The following KATNBL1 variants were observed in gnomAD, a reference collection of about 807,000 sequenced individuals.
The protein encoded by KATNBL1 is KATNB1-like protein 1.
KATNBL1 carries 28 observed loss-of-function variants against 44.7 expected under a neutral mutation model. That is an observed-to-expected ratio of 0.63 (90% CI 0.46 to 0.86). KATNBL1 has a LOEUF of 0.86. Among genes scored for constraint, KATNBL1 ranks in the 40% least tolerant of loss-of-function variants. KATNBL1 has a pLI of 0.00. For synonymous variants in KATNBL1, 78 were observed against 114.9 expected, an observed-to-expected ratio of 0.68 and a Z score of 2.06; for missense variants, 272 against 350.7, an observed-to-expected ratio of 0.78 and a Z score of 1.79.
chr15:34,191,304 A>AT (rs1567535899), intron 1 of KATNBL1, among the ~76,000 whole-genome samples: 1 of 151,918 alleles, frequency 6.6e-6, no homozygotes, highest in East Asian at 1.9e-4. Flanking sequence ...ATAACAGTCT[A>AT]TTAGGTGGCT....
At chr15:34,156,813 T>G (rs981431532) in intron 2 of KATNBL1, among the ~76,000 whole-genome samples, 1 of 152,268 alleles carries the variant, frequency 6.6e-6, no homozygotes, top group African/African-American at 2.4e-5. Context: ...TGGATTGTAC[T>G]GATTTAGCTG....
At chr15:34,200,189 C>T (rs1890141740) in intron 1 of KATNBL1, among the ~76,000 whole-genome samples, 1 of 152,142 alleles carries the variant, frequency 6.6e-6, no homozygotes, top group Non-Finnish European at 1.5e-5. Context: ...CGGAACAACT[C>T]AAAGTTGATA....
intron 2 of KATNBL1, among the ~76,000 whole-genome samples, chr15:34,162,259 C>T (rs560228053): frequency 2.0e-5 from 3 of 152,188 alleles, no homozygotes; most frequent in South Asian, 4.1e-4. Flanking sequence ...ATCATGGGGG[C>T]GGTTTCCCCA....
intron 2 of KATNBL1, 97 bp from the exon 3 acceptor site, chr15:34,154,781 T>G: frequency 1.2e-6 from 1 of 815,816 alleles, no homozygotes; most frequent in East Asian, 2.6e-5. Context: ...AGCAAGGCAA[T>G]TTACTTCTGC....
chr15:34,175,669 A>C (rs1889308030), intron 1 of KATNBL1, among the ~76,000 whole-genome samples: 1 of 152,262 alleles, frequency 6.6e-6, no homozygotes, highest in African/African-American at 2.4e-5. Flanking sequence ...ATACTAAAAA[A>C]GACAGACAAT....
intron 1 of KATNBL1, chr15:34,199,515 C>G (rs1327935342): frequency 2.0e-5 from 3 of 152,170 alleles, no homozygotes. Flanking sequence ...AACTAAATCC[C>G]GTCATCCTGA....
intron 1 of KATNBL1, among the ~76,000 whole-genome samples, chr15:34,201,470 C>T (rs1890174991): frequency 6.6e-6 from 1 of 151,972 alleles, no homozygotes; most frequent in African/African-American, 2.4e-5. Flanking sequence ...CCCTTTTGGG[C>T]CTTTTGAATT....
At chr15:34,185,308 C>G (rs1199960756) in intron 1 of KATNBL1, among the ~76,000 whole-genome samples, 1 of 152,146 alleles carries the variant, frequency 6.6e-6, no homozygotes, top group Non-Finnish European at 1.5e-5. Flanking sequence ...TGATTTCTTC[C>G]TTCACTATCT....
At chr15:34,181,194 G>T (rs539007659) in intron 1 of KATNBL1, among the ~76,000 whole-genome samples, 1 of 152,154 alleles carries the variant, frequency 6.6e-6, no homozygotes, top group South Asian at 2.1e-4. Flanking sequence ...TATGCTGCAC[G>T]TTAAACTATT....
At chr15:34,158,321 T>C (rs1888699285) in intron 2 of KATNBL1, among the ~76,000 whole-genome samples, 1 of 152,240 alleles carries the variant, frequency 6.6e-6, no homozygotes, top group African/African-American at 2.4e-5. Context: ...ATTTCTCTTC[T>C]GAATTTTCTT....
intron 1 of KATNBL1, among the ~76,000 whole-genome samples, chr15:34,201,050 C>G (rs961090298): frequency 8.5e-5 from 13 of 152,128 alleles, no homozygotes; most frequent in African/African-American, 2.9e-4. Flanking sequence ...CTCCTGACCT[C>G]GTGATCTGCC....
chr15:34,160,930 C>G (rs573246386), intron 2 of KATNBL1, among the ~76,000 whole-genome samples: 15 of 152,278 alleles, frequency 9.9e-5, no homozygotes, highest in South Asian at 2.1e-4. Flanking sequence ...TCAACACCCC[C>G]CTGCTGGAGG....
chr15:34,144,958 G>T, intron 9 of KATNBL1: 2 of 524,796 alleles, frequency 3.8e-6, no homozygotes, highest in Non-Finnish European at 4.9e-6. Context: ...AAAGACCAAA[G>T]TCAAATTCAC....
chr15:34,178,746 ACT>A (rs1889418727), intron 1 of KATNBL1, among the ~76,000 whole-genome samples: 2 of 91,036 alleles, frequency 2.2e-5, no homozygotes, highest in East Asian at 3.3e-4. Flanking sequence ...ACAGAGCAAG[ACT>A]CTGTCTCAAA....
At chr15:34,146,042 G>A (rs996358940) in intron 8 of KATNBL1, 1 of 148,960 alleles carries the variant, frequency 6.7e-6, no homozygotes, top group Non-Finnish European at 1.5e-5. Flanking sequence ...TCCACCTCCT[G>A]GGCTCAAGCG....
At chr15:34,148,187 C>T (rs1022624116) in intron 5 of KATNBL1, among the ~76,000 whole-genome samples, 3 of 152,062 alleles carry the variant, frequency 2.0e-5, no homozygotes, top group African/African-American at 7.2e-5. Flanking sequence ...TTTCCCATAT[C>T]GTTATCTCTT....
At chr15:34,199,362 G>A (rs956317530) in intron 1 of KATNBL1, among the ~76,000 whole-genome samples, 1 of 152,166 alleles carries the variant, frequency 6.6e-6, no homozygotes, top group African/African-American at 2.4e-5. Context: ...TCTTGAACCC[G>A]GGAGGTGGAG....
chr15:34,140,703 T>C lies in KATNBL1; in HGVS notation c.*1636A>G, dbSNP rs1228321866. On this transcript the variant is annotated 3_prime_UTR_variant, in exon 10 of 10. Transcript: ENST00000256544. ...CACAAAGAAAGGTTATATTTTATCA[T>C]GTTAAAAGTTTCACAGAGATAACAG... 1.3e-5 allele frequency: 2 copies of C among 152,186 alleles called. No individual in the cohort carries two copies. Among genetic ancestry groups the C allele is most frequent in the Non-Finnish European group, 2.9e-5 (2 of 68,006 alleles). 9.4% of individuals were successfully genotyped at this position (152,186 alleles called of 1,614,324 possible). A position where few individuals can be genotyped will look rare whatever the true frequency, so the allele number is the denominator to read the frequency against.
chr15:34,185,847 G>A (rs1468853610), intron 1 of KATNBL1, among the ~76,000 whole-genome samples: 2 of 152,162 alleles, frequency 1.3e-5, no homozygotes, highest in Non-Finnish European at 2.9e-5. Context: ...GAAGCAGGCG[G>A]CCACTTGGGC....
Sources: allele counts gnomAD v4.1 joint callset (sites outside exome capture counted in the v4.1 genomes callset), GRCh38; gene constraint gnomAD v4.1.1; transcripts MANE v1.5; gene names NCBI Gene and HGNC (gene_info 2026-07-23, HGNC 2026-07-21).